Variants in ADCY2 observed in about 807,000 individuals in gnomAD.
ADCY2 encodes adenylate cyclase type 2.
Under a neutral mutation model 125.2 loss-of-function variants are expected in ADCY2, and 31 were observed. The ratio of observed to expected loss-of-function variants is 0.25; its 90% CI spans 0.19 to 0.33. ADCY2 has a LOEUF of 0.33. Among genes scored for constraint, ADCY2 ranks in the 10% least tolerant of loss-of-function variants. ADCY2 has a pLI of 1.00. For missense variants in ADCY2, 904 were observed against 1,418.2 expected (o/e 0.64, Z 5.82); for synonymous variants, 512 against 548.4 (o/e 0.93, Z 0.93).
intron 4 of ADCY2, among the ~76,000 whole-genome samples, chr5:7,667,482 T>C (rs1195948821): frequency 6.6e-6 from 1 of 152,148 alleles, no homozygotes; most frequent in East Asian, 1.9e-4. Context: ...ATTTAAGATG[T>C]GTGATTCATT....
Position 7,488,898 on chromosome 5 carries a change from C to T in ADCY2, c.409-31840C>T, listed in dbSNP as rs193121351. ...CAGGCTCATTTGCGGTCCAGACCTGCCTGTGCAACCCCGAGGGACCCATGA... is the reference window on the plus strand; with the variant it reads ...CAGGCTCATTTGCGGTCCAGACCTGTCTGTGCAACCCCGAGGGACCCATGA... On this transcript the variant is annotated intron_variant, in intron 2 of 24. Coordinates refer to ENST00000338316, the MANE Select transcript of ADCY2 (RefSeq NM_020546.3). 8.0e-3 allele frequency among the ~76,000 whole-genome samples: 1,216 copies of T among 152,268 alleles called. 16 individuals are homozygous for T. The highest frequency in any genetic ancestry group is 0.028 in the African/African-American group (1,164 of 41,548).
At chr5:7,788,429 C>T (rs1351858957) in intron 19 of ADCY2, among the ~76,000 whole-genome samples, 1 of 152,196 alleles carries the variant, frequency 6.6e-6, no homozygotes, top group Non-Finnish European at 1.5e-5. Flanking sequence ...ACCCACCCAC[C>T]TTGGCCTCCC....
chr5:7,514,124 CT>C (rs1379487303), intron 2 of ADCY2, among the ~76,000 whole-genome samples: 1 of 152,114 alleles, frequency 6.6e-6, no homozygotes, highest in Non-Finnish European at 1.5e-5. Flanking sequence ...GAAGCTTCAT[CT>C]TTTAATCTAT....
chr5:7,660,120 C>G (rs1460889790), intron 4 of ADCY2, among the ~76,000 whole-genome samples: 1 of 150,292 alleles, frequency 6.7e-6, no homozygotes, highest in African/African-American at 2.5e-5. Context: ...ATTCCTACAC[C>G]AAGATTCACC....
intron 17 of ADCY2, among the ~76,000 whole-genome samples, chr5:7,770,276 AG>A (rs1743514594): frequency 6.6e-6 from 1 of 152,222 alleles, no homozygotes; most frequent in Non-Finnish European, 1.5e-5. Flanking sequence ...CCTAGTTCAA[AG>A]GTTCAAACTG....
In ADCY2 at chr5:7,486,323, T is replaced by C. The variant is rs552792660; in HGVS notation, c.409-34415T>C. ...ATGCTTATACACACAGGAGTTAACA[T>C]GCACACACATAAATATGTACATACA... On this transcript the variant is annotated intron_variant, in intron 2 of 24. Coordinates refer to ENST00000338316, the MANE Select transcript of ADCY2 (RefSeq NM_020546.3). Among the ~76,000 whole-genome samples, 9 of 152,384 alleles carry C rather than the reference T, an allele frequency of 5.9e-5. No individual in the cohort carries two copies. The South Asian group carries it at 1.4e-3, about 25-fold the overall frequency.
intron 2 of ADCY2, among the ~76,000 whole-genome samples, chr5:7,488,232 C>T (rs1277282552): frequency 6.6e-6 from 1 of 152,110 alleles, no homozygotes; most frequent in Non-Finnish European, 1.5e-5. Context: ...TAGAGTTCCC[C>T]TGCACAAGCT....
chr5:7,504,559 C>A (rs915163629), intron 2 of ADCY2, among the ~76,000 whole-genome samples: 10 of 151,730 alleles, frequency 6.6e-5, no homozygotes, highest in Admixed American at 3.3e-4. Flanking sequence ...CAAGAAGTAC[C>A]ATTTTTTCTT....
intron 3 of ADCY2, among the ~76,000 whole-genome samples, chr5:7,536,459 C>T (rs1325351641): frequency 6.6e-6 from 1 of 152,196 alleles, no homozygotes; most frequent in South Asian, 2.1e-4. Context: ...CCACATGCCC[C>T]AGAGTCGGTT....
chr5:7,450,230 T>G (rs980649240), intron 2 of ADCY2, among the ~76,000 whole-genome samples: 1 of 152,170 alleles, frequency 6.6e-6, no homozygotes, highest in Non-Finnish European at 1.5e-5. Flanking sequence ...CAGTAAACAG[T>G]TAGCCCAGTT....
chr5:7,466,189 T>A (rs1742108656), intron 2 of ADCY2, among the ~76,000 whole-genome samples: 1 of 152,216 alleles, frequency 6.6e-6, no homozygotes, highest in Admixed American at 6.5e-5. Context: ...AATATTAACT[T>A]CAGCCATATC....
At chr5:7,773,921 C>G (rs894337159) in intron 18 of ADCY2, among the ~76,000 whole-genome samples, 2 of 152,180 alleles carry the variant, frequency 1.3e-5, no homozygotes, top group Non-Finnish European at 2.9e-5. Flanking sequence ...ATCTCAAAAG[C>G]AAAACAACAT....
intron 4 of ADCY2, among the ~76,000 whole-genome samples, chr5:7,684,278 G>A (rs1455534880): frequency 6.6e-6 from 1 of 152,226 alleles, no homozygotes; most frequent in Non-Finnish European, 1.5e-5. Flanking sequence ...AGCCTGCAGG[G>A]CTGACTTGGG....
In ADCY2 at chr5:7,488,670, C is replaced by T. The variant is rs144190207; in HGVS notation, c.409-32068C>T. On this transcript the variant is annotated intron_variant, in intron 2 of 24. Transcript: ENST00000338316. The stretch of plus-strand genomic sequence containing the variant: ...GTGTGACAGATGACACTGGGGAGCA[C>T]GTTGAAGTGGAAGTTAGGTGATCAA... Among the ~76,000 whole-genome samples, 76 of 152,190 alleles carry T rather than the reference C, an allele frequency of 5.0e-4. 2 individuals carry two copies. The Middle Eastern group carries it at 0.014, about 27-fold the overall frequency.
rs35756313 is a variant in ADCY2 at position 7,777,055 on chromosome 5, C to CTATA, written c.2384+3967_2384+3970dup. Among the ~76,000 whole-genome samples the CTATA allele has an allele frequency of 1.8e-3, 274 of 149,228 alleles. 1 individual carries two copies. The highest frequency in any genetic ancestry group is 3.4e-3 in the Middle Eastern group (1 of 290). ...CCAATTCTCGGTAATAAACTCCCTT[C>CTATA]TATATATATATATATACATCCTATT... On this transcript the variant is annotated intron_variant, in intron 18 of 24. Coordinates refer to ENST00000338316, the MANE Select transcript of ADCY2 (RefSeq NM_020546.3).
rs1206054725 is a variant in ADCY2 at position 7,658,740 on chromosome 5, C to T, written c.721-31951C>T. Among the ~76,000 whole-genome samples, 4 of 152,300 alleles carry T rather than the reference C, an allele frequency of 2.6e-5. No homozygotes were observed. The East Asian group carries it at 5.8e-4, about 22-fold the overall frequency. ...TGGAAAGACATTTAAGTTTGGTTCA[C>T]ACAATTATAGGGGCTGGCAATTCCA... On this transcript the variant is annotated intron_variant, in intron 4 of 24. Transcript: ENST00000338316.
At chr5:7,547,014 A>G (rs986030981) in intron 3 of ADCY2, among the ~76,000 whole-genome samples, 2 of 152,246 alleles carry the variant, frequency 1.3e-5, no homozygotes, top group East Asian at 3.9e-4. Flanking sequence ...TTAAAGTTCC[A>G]TGGGTATATG....
intron 3 of ADCY2, among the ~76,000 whole-genome samples, chr5:7,616,263 A>G (rs767445343): frequency 6.6e-6 from 1 of 152,224 alleles, no homozygotes; most frequent in African/African-American, 2.4e-5. Context: ...GAAGTTTATC[A>G]CCAGTCTTCC....
rs1745129498 is a variant in ADCY2, at chr5:7,816,873, A to C, written c.2891A>C (p.Glu964Ala). The C allele has an allele frequency of 6.2e-7, 1 of 1,613,954 alleles. No homozygotes were observed. Among genetic ancestry groups the C allele is most frequent in the Admixed American group, 1.7e-5 (1 of 60,008 alleles). The change falls in exon 23 of 25, where the codon GAG (glutamate) becomes GCG (alanine). Residue 964 changes from glutamate (E) to alanine (A), a missense_variant. Glu to Ala is a moderately radical substitution (Grantham distance 107). Transcript: ENST00000338316. ...GTGTGTGTTTGTTCTCAGGAGCCCG[A>C]GCGGCAGTACATGCACATTGGCACC... is the stretch of plus-strand genomic sequence containing the variant. ...VPSQEHSQEP[E>A]RQYMHIGTMV...
Sources: allele counts gnomAD v4.1 joint callset (sites outside exome capture counted in the v4.1 genomes callset), GRCh38; gene constraint gnomAD v4.1.1; transcripts MANE v1.5; gene names NCBI Gene and HGNC (gene_info 2026-07-23, HGNC 2026-07-21).